Variants in SHROOM3 observed in about 807,000 individuals in gnomAD.
The protein encoded by SHROOM3 is shroom family member 3, also known as protein Shroom3.
SHROOM3 carries 47 observed loss-of-function variants against 138.6 expected under a neutral mutation model. The ratio of observed to expected loss-of-function variants is 0.34; its 90% CI spans 0.27 to 0.43. The LOEUF is 0.43. Ranked by LOEUF, SHROOM3 falls within the 20% of genes least tolerant of loss-of-function variation. The pLI, the probability that SHROOM3 is intolerant of heterozygous loss-of-function variation, is 1.00. For synonymous variants in SHROOM3, 1,062 were observed against 1,063.3 expected (o/e 1.00, Z 0.02); for missense variants, 2,491 against 2,596.5 (o/e 0.96, Z 0.88).
intron 2 of SHROOM3, among the ~76,000 whole-genome samples, chr4:76,648,740 G>A (rs919077332): frequency 2.0e-5 from 3 of 152,216 alleles, no homozygotes; most frequent in Non-Finnish European, 4.4e-5. Flanking sequence ...CCATGTAGAT[G>A]TAAGATTTGA....
intron 1 of SHROOM3, among the ~76,000 whole-genome samples, chr4:76,457,680 C>T (rs1173189457): frequency 4.0e-5 from 6 of 151,838 alleles, no homozygotes; most frequent in South Asian, 2.1e-4. Flanking sequence ...TTAGTAGAGA[C>T]GGGGTTTCAC....
intron 2 of SHROOM3, among the ~76,000 whole-genome samples, chr4:76,697,354 C>T (rs937388051): frequency 6.6e-6 from 1 of 152,080 alleles, no homozygotes; most frequent in African/African-American, 2.4e-5. Context: ...AATTAAGCAG[C>T]CCTGGTGGTG....
intron 2 of SHROOM3, among the ~76,000 whole-genome samples, chr4:76,575,397 G>A (rs1480334709): frequency 2.0e-5 from 3 of 152,100 alleles, no homozygotes; most frequent in Non-Finnish European, 4.4e-5. Flanking sequence ...AAACTGAAAA[G>A]GAAGAAAGCA....
intron 1 of SHROOM3, among the ~76,000 whole-genome samples, chr4:76,452,733 T>C (rs1334921436): frequency 6.6e-6 from 1 of 152,248 alleles, no homozygotes; most frequent in African/African-American, 2.4e-5. Context: ...GTTTTTGTTT[T>C]TGAGACAGAG....
rs1487264656 is a variant in SHROOM3 at position 76,739,280 on chromosome 4, G to A, written c.1107G>A (p.Leu369=). 2 of 1,614,038 alleles carry A rather than the reference G, an allele frequency of 1.2e-6. No homozygotes were observed. Among genetic ancestry groups the A allele is most frequent in the South Asian group, 2.2e-5 (2 of 91,084 alleles). Residue 369 remains leucine, a synonymous_variant, in exon 5 of 11, where the codon TTG becomes TTA. Coordinates refer to ENST00000296043, the MANE Select transcript of SHROOM3 (RefSeq NM_020859.4). ...PSWSQQCPSS[L]ETATDNLPPK... The stretch of plus-strand genomic sequence containing the variant: ...GGAGCCAGCAGTGCCCCAGTTCCTT[G>A]GAGACTGCCACGGACAACCTTCCTC...
At position 76,739,843 on chromosome 4, in the gene SHROOM3, T is replaced by C; in HGVS notation, c.1670T>C (p.Val557Ala). ...ACAGCCAAGTATGTCCCCTCCAAAG[T>C]CCATTTCTGTTCAGTGCCTGAAAAT... ...EATAKYVPSK[V>A]HFCSVPENEE... The change falls in exon 5 of 11, where the codon GTC becomes GCC. Residue 557 changes from valine to alanine, a missense_variant. By Grantham distance (64) the Val-to-Ala change is moderately conservative (BLOSUM62 0). Transcript: ENST00000296043. The C allele has an allele frequency of 6.2e-7, 1 of 1,614,096 alleles. No individual in the cohort carries two copies. The highest frequency in any genetic ancestry group is 8.5e-7 in the Non-Finnish European group (1 of 1,180,002).
At chr4:76,688,350 A>ATTCT in intron 2 of SHROOM3, 1 of 982,388 alleles carries the variant, frequency 1.0e-6, no homozygotes, top group Non-Finnish European at 1.2e-6. Flanking sequence ...CTGTCAGGAT[A>ATTCT]TAAGAGCACA....
At chr4:76,486,053 T>A (rs1404936307) in intron 1 of SHROOM3, among the ~76,000 whole-genome samples, 2 of 152,208 alleles carry the variant, frequency 1.3e-5, no homozygotes, top group Non-Finnish European at 2.9e-5. Context: ...TAGGACTAGT[T>A]GCTTCCCACC....
intron 4 of SHROOM3, among the ~76,000 whole-genome samples, chr4:76,732,458 G>A (rs1355153701): frequency 1.3e-5 from 2 of 152,194 alleles, no homozygotes; most frequent in African/African-American, 2.4e-5. Context: ...ACCTCTCTCA[G>A]CATATCAGGG....
intron 2 of SHROOM3, among the ~76,000 whole-genome samples, chr4:76,562,398 G>T (rs1023258346): frequency 2.6e-5 from 4 of 152,180 alleles, no homozygotes; most frequent in African/African-American, 9.7e-5. Context: ...TGACACACTT[G>T]CTACCTCAGT....
intron 1 of SHROOM3, among the ~76,000 whole-genome samples, chr4:76,549,005 T>C (rs1186434793): frequency 6.6e-6 from 1 of 152,218 alleles, no homozygotes; most frequent in Admixed American, 6.5e-5. Flanking sequence ...GCTGAAGTAA[T>C]TGGTCCAAAA....
At chr4:76,746,830 A>G (rs1578014526) in intron 5 of SHROOM3, among the ~76,000 whole-genome samples, 1 of 124,068 alleles carries the variant, frequency 8.1e-6, no homozygotes, top group Non-Finnish European at 1.8e-5. Context: ...TATTATTATT[A>G]TTTTGAGACG....
rs116594960 is a variant in SHROOM3, at chr4:76,664,675, T to A, written c.324-45481T>A. On this transcript the variant is annotated intron_variant, in intron 2 of 10. Transcript: ENST00000296043. The surrounding 1 kb of genome is among the most constrained non-coding windows in gnomAD (Gnocchi z 4.2). ...ATACTCACATACATTAAATTTGTCA[T>A]CTTAACCAGTTTTAAGTGTATAGGT... 3.9e-3 allele frequency among the ~76,000 whole-genome samples: 590 copies of A among 152,292 alleles called. 5 individuals are homozygous for A. The highest frequency in any genetic ancestry group is 0.013 in the African/African-American group (544 of 41,536).
rs537648720 is a variant in SHROOM3 at position 76,579,610 on chromosome 4, T to C, written c.323+23847T>C. ...GAGAAGTCAGACGATCTGGCAGCAGTGGGCTGGAGCTGCATGCTTCCACGT... is the reference window on the plus strand; with the variant it reads ...GAGAAGTCAGACGATCTGGCAGCAGCGGGCTGGAGCTGCATGCTTCCACGT... On this transcript the variant is annotated intron_variant, in intron 2 of 10. Coordinates refer to ENST00000296043, the MANE Select transcript of SHROOM3 (RefSeq NM_020859.4). Among the ~76,000 whole-genome samples the C allele has an allele frequency of 2.6e-4, 39 of 152,366 alleles. No homozygotes were observed. In the South Asian group the frequency reaches 6.4e-3, roughly 25 times the overall value.
chr4:76,739,884 C>T lies in SHROOM3; in HGVS notation c.1711C>T (p.Leu571=). ...GCCTGAAAATGAGGAGGATGCCTCC[C>T]TGAAGAGACATCTCACACCTCCCCA... ...SVPENEEDAS[L]KRHLTPPQGN... is the part of the protein sequence containing the mutation. The change falls in exon 5 of 11, where the codon CTG becomes TTG. Residue 571 remains leucine (L), a synonymous_variant. Transcript: ENST00000296043. 6.2e-7 allele frequency: 1 copy of T among 1,614,228 alleles called. No homozygotes were observed. Among genetic ancestry groups the T allele is most frequent in the South Asian group, 1.1e-5 (1 of 91,086 alleles).
chr4:76,727,359 C>T (rs555338789), intron 3 of SHROOM3, among the ~76,000 whole-genome samples: 1 of 152,234 alleles, frequency 6.6e-6, no homozygotes, highest in East Asian at 1.9e-4. Flanking sequence ...TTTGGGCCAG[C>T]CCCTGAAGGG....
chr4:76,446,700 T>C (rs1218721329), intron 1 of SHROOM3, among the ~76,000 whole-genome samples: 1 of 152,170 alleles, frequency 6.6e-6, no homozygotes, highest in Non-Finnish European at 1.5e-5. Context: ...TGCAAACTGA[T>C]AGAACAATGA....
chr4:76,458,876 C>A (rs553897585), intron 1 of SHROOM3, among the ~76,000 whole-genome samples: 1 of 152,268 alleles, frequency 6.6e-6, no homozygotes, highest in South Asian at 2.1e-4. Context: ...CTACCATAAA[C>A]CTGCATCCTG....
intron 2 of SHROOM3, among the ~76,000 whole-genome samples, chr4:76,634,063 A>G (rs1735421299): frequency 6.6e-6 from 1 of 152,156 alleles, no homozygotes. Context: ...CTAGTCCTCA[A>G]TATTCTCCCC....
Sources: allele counts gnomAD v4.1 joint callset (sites outside exome capture counted in the v4.1 genomes callset), GRCh38; gene constraint gnomAD v4.1.1; non-coding constraint Gnocchi (gnomAD v3.1); transcripts MANE v1.5; gene names NCBI Gene and HGNC (gene_info 2026-07-23, HGNC 2026-07-21).